GIMAP2: variants seen among roughly 807,000 people sequenced by gnomAD.
The protein encoded by GIMAP2 is GTPase, IMAP family member 2.
GIMAP2 carries 22 observed loss-of-function variants against 25.5 expected under a neutral mutation model. The ratio of observed to expected loss-of-function variants is 0.86; its 90% CI spans 0.62 to 1.23. The LOEUF (loss-of-function observed/expected upper bound fraction) is 1.23, where lower values mean the gene tolerates loss of function less well. Ranked by LOEUF, GIMAP2 falls within the 50% of genes most tolerant of loss-of-function variation. The pLI, the probability that GIMAP2 is intolerant of heterozygous loss-of-function variation, is 0.00. For missense variants in GIMAP2, 422 were observed against 395.7 expected (o/e 1.07, Z -0.56); for synonymous variants, 167 against 143.0 (o/e 1.17, Z -1.20).
Position 150,693,580 on chromosome 7 carries a change from T to C in GIMAP2, c.*280T>C, listed in dbSNP as rs1259807097. The C allele has an allele frequency of 6.8e-6, 2 of 295,484 alleles. No individual in the cohort carries two copies. The highest frequency in any genetic ancestry group is 1.3e-5 in the Non-Finnish European group (2 of 159,704). The allele number at this position is 295,484 out of a possible 1,614,324, so 18.3% of individuals were successfully genotyped here. ...TAAAATCTCATTTTCTTCTTTCTAG[T>C]ACTACTATTTCTACTGAATATAATG... On this transcript the variant is annotated 3_prime_UTR_variant, in exon 3 of 3. Coordinates refer to ENST00000223293, the MANE Select transcript of GIMAP2 (RefSeq NM_015660.3).
intron 2 of GIMAP2, 69 bp downstream of exon 2, chr7:150,687,156 T>TGTGTGTG (rs1796913507): frequency 1.1e-6 from 1 of 942,244 alleles, no homozygotes; most frequent in Non-Finnish European, 1.5e-6. Context: ...GTGTGTGTGT[T>TGTGTGTG]TGGCTCTTCT....
chr7:150,691,552 T>C (rs974849603), intron 2 of GIMAP2, among the ~76,000 whole-genome samples: 1 of 152,234 alleles, frequency 6.6e-6, no homozygotes, highest in Non-Finnish European at 1.5e-5. Context: ...AATTTTACAC[T>C]GCTCATTCTA....
intron 2 of GIMAP2, chr7:150,689,526 A>G: frequency 1.4e-6 from 1 of 703,148 alleles, no homozygotes. Flanking sequence ...GGCTGCCTCT[A>G]AGCAAGCTCC....
chr7:150,689,450 G>A (rs565435887), intron 2 of GIMAP2: 11 of 699,978 alleles, frequency 1.6e-5, no homozygotes, highest in African/African-American at 7.0e-5. Flanking sequence ...GACTCCCACC[G>A]CTTCTCTTCA....
chr7:150,687,073 AAC>A lies in GIMAP2; in HGVS notation c.18_19del (p.His6GlnfsTer16), dbSNP rs1287420259. 1 of 1,610,422 alleles carries A rather than the reference AAC, an allele frequency of 6.2e-7. No homozygotes were observed. The highest frequency in any genetic ancestry group is 2.2e-5 in the East Asian group (1 of 44,818). ...TCAGGAACACCAATGGACCAAAATG[AAC>A]ACAGTCACTGGGGTAAGAAGGTGAC... is the stretch of plus-strand genomic sequence containing the variant. On this transcript the variant is annotated frameshift_variant, in exon 2 of 3. Transcript: ENST00000223293. LOFTEE classifies it high-confidence loss of function.
rs1796913382 is a variant in GIMAP2 at position 150,687,155 on chromosome 7, T to TGTGTGTGTGTGTG, written c.28+68_28+69insGTGTGTGTGTGTG. On this transcript the variant is annotated intron_variant, in intron 2 of 2. Coordinates refer to ENST00000223293, the MANE Select transcript of GIMAP2 (RefSeq NM_015660.3). ...GTGTGTGTGTGTGTGTGTGTGTGTG[T>TGTGTGTGTGTGTG]TTGGCTCTTCTGATGATGTTGGGGC... 12 of 1,106,100 alleles carry TGTGTGTGTGTGTG rather than the reference T, an allele frequency of 1.1e-5. No homozygotes were observed. The African/African-American group carries it at 1.7e-4, about 15-fold the overall frequency. 68.5% of individuals were successfully genotyped at this position (1,106,100 alleles called of 1,614,324 possible). A position where few individuals can be genotyped will look rare whatever the true frequency, so the allele number is the denominator to read the frequency against.
At chr7:150,689,649 A>G in intron 2 of GIMAP2, 1 of 652,078 alleles carries the variant, frequency 1.5e-6, no homozygotes, top group Admixed American at 2.2e-5. Flanking sequence ...CTGTGAGGCC[A>G]TAATTTCACT....
At chr7:150,692,027 A>G (rs1192344141) in intron 2 of GIMAP2, among the ~76,000 whole-genome samples, 1 of 151,444 alleles carries the variant, frequency 6.6e-6, no homozygotes, top group East Asian at 1.9e-4. Context: ...CAGGAGATCG[A>G]TACCACGGTG....
chr7:150,689,749 G>A (rs145421561), intron 2 of GIMAP2: 460 of 534,338 alleles, frequency 8.6e-4, no homozygotes, highest in Middle Eastern at 1.4e-3. Context: ...AAGTGTTGGC[G>A]TAGCAGCATG....
In GIMAP2 at chr7:150,692,724, C is replaced by T; in HGVS notation, c.438C>T (p.Thr146=). ...DAMGHTIVLF[T]HKEDLNGGSL... ...TGGGACACACAATTGTCCTCTTTAC[C>T]CACAAGGAAGACCTCAATGGTGGCT... The change falls in exon 3 of 3, where the codon ACC becomes ACT. Residue 146 remains threonine, a synonymous_variant. Transcript: ENST00000223293. 2 of 1,614,168 alleles carry T rather than the reference C, an allele frequency of 1.2e-6. No homozygotes were observed. Among genetic ancestry groups the T allele is most frequent in the Non-Finnish European group, 8.5e-7 (1 of 1,180,008 alleles).
intron 2 of GIMAP2, among the ~76,000 whole-genome samples, chr7:150,690,999 G>A (rs374406445): frequency 1.3e-5 from 2 of 152,306 alleles, no homozygotes; most frequent in African/African-American, 4.8e-5. Context: ...TGAGAGTAAG[G>A]AACAGCTAAA....
chr7:150,691,976 TCC>T (rs1796969722), intron 2 of GIMAP2, among the ~76,000 whole-genome samples: 1 of 151,742 alleles, frequency 6.6e-6, no homozygotes, highest in Admixed American at 6.6e-5. Flanking sequence ...ACGCCAGTAA[TCC>T]CAGCACTTTG....
At position 150,692,836 on chromosome 7, in the gene GIMAP2, A is replaced by C; in HGVS notation, c.550A>C (p.Asn184His). The C allele has an allele frequency of 6.2e-7, 1 of 1,614,250 alleles. No homozygotes were observed. Among genetic ancestry groups the C allele is most frequent in the Non-Finnish European group, 8.5e-7 (1 of 1,180,048 alleles). ...ACGGRICAFN[N>H]RAEGSNQDDQ... ...TGGTGGGCGAATCTGTGCCTTTAAT[A>C]ACCGTGCTGAAGGGAGCAATCAGGA... The change falls in exon 3 of 3, where the codon AAC (asparagine) becomes CAC (histidine). Residue 184 changes from asparagine to histidine, a missense_variant. By Grantham distance (68) the Asn-to-His change is moderately conservative. Transcript: ENST00000223293.
chr7:150,693,130 A>C lies in GIMAP2; in HGVS notation c.844A>C (p.Arg282=). The change falls in exon 3 of 3, where the codon AGA becomes CGA. Residue 282 remains arginine, a synonymous_variant. Transcript: ENST00000223293. Reference sequence around the variant, plus strand: ...TTTATTTTGTATTCAGTTGTTTCTCAGATTGATAATTCTGTGGCTTTGCAT... The same window carrying C: ...TTTATTTTGTATTCAGTTGTTTCTCCGATTGATAATTCTGTGGCTTTGCAT... ...CVLFCIQLFL[R]LIILWLCILH... is the part of the protein sequence containing the mutation. The C allele has an allele frequency of 6.2e-7, 1 of 1,613,744 alleles. No individual in the cohort carries two copies. The highest frequency in any genetic ancestry group is 8.5e-7 in the Non-Finnish European group (1 of 1,179,634).
At chr7:150,691,042 TTAGTTTGTTTGGA>T (rs1218874540) in intron 2 of GIMAP2, among the ~76,000 whole-genome samples, 4 of 152,302 alleles carry the variant, frequency 2.6e-5, no homozygotes, top group African/African-American at 9.6e-5. Context: ...CAGGAGAGTC[TTAGTTTGTTTGGA>T]TATTCCCTCC....
intron 2 of GIMAP2, chr7:150,689,485 A>T: frequency 2.8e-6 from 2 of 702,880 alleles, no homozygotes; most frequent in Non-Finnish European, 5.2e-6. Flanking sequence ...TTCTGTTTTC[A>T]TAGGCGAGAG....
rs1585208653 is a variant in GIMAP2, at chr7:150,692,597, C to T, written c.311C>T (p.Pro104Leu). 1 of 1,614,044 alleles carries T rather than the reference C, an allele frequency of 6.2e-7. No individual in the cohort carries two copies. Among genetic ancestry groups the T allele is most frequent in the Non-Finnish European group, 8.5e-7 (1 of 1,179,956 alleles). The change falls in exon 3 of 3, where the codon CCA (proline) becomes CTA (leucine). Residue 104 changes from proline to leucine, a missense_variant. Physicochemically the swap from Pro to Leu is moderately conservative, Grantham distance 98. Transcript: ENST00000223293. ...EVQRCYLLSA[P>L]GPHVLLLVTQ... Reference sequence around the variant, plus strand: ...CAGAGGTGCTACTTGCTGTCTGCACCAGGACCCCATGTGCTGCTCCTGGTG... The same window carrying T: ...CAGAGGTGCTACTTGCTGTCTGCACTAGGACCCCATGTGCTGCTCCTGGTG...
In GIMAP2 at chr7:150,692,713, G is replaced by T. The variant is rs1413228841; in HGVS notation, c.427G>T (p.Val143Phe). The change falls in exon 3 of 3, where the codon GTC becomes TTC. Residue 143 changes from valine to phenylalanine, a missense_variant. By Grantham distance (50) the Val-to-Phe change is conservative. Transcript: ENST00000223293. ...FGEDAMGHTI[V>F]LFTHKEDLNG... Reference sequence around the variant, plus strand: ...AGAGGATGCCATGGGACACACAATTGTCCTCTTTACCCACAAGGAAGACCT... The same window carrying T: ...AGAGGATGCCATGGGACACACAATTTTCCTCTTTACCCACAAGGAAGACCT... The T allele has an allele frequency of 6.2e-7, 1 of 1,614,164 alleles. No individual in the cohort carries two copies. Among genetic ancestry groups the T allele is most frequent in the Admixed American group, 1.7e-5 (1 of 60,020 alleles).
chr7:150,685,999 C>T (rs1385141928), intron 1 of GIMAP2, among the ~76,000 whole-genome samples: 1 of 152,090 alleles, frequency 6.6e-6, no homozygotes, highest in African/African-American at 2.4e-5. Flanking sequence ...AGTATAAAGT[C>T]AATAAAAAGT....
Sources: allele counts gnomAD v4.1 joint callset (sites outside exome capture counted in the v4.1 genomes callset), GRCh38; gene constraint gnomAD v4.1.1; transcripts MANE v1.5; gene names NCBI Gene and HGNC (gene_info 2026-07-23, HGNC 2026-07-21).